ADAMTS3: variants seen among roughly 807,000 people sequenced by gnomAD.
ADAMTS3 encodes ADAM metallopeptidase with thrombospondin type 1 motif 3.
In ADAMTS3, 73 loss-of-function variants were observed where a neutral mutation model predicts 129.0. The observed-to-expected ratio is 0.57, with a 90% CI of 0.47 to 0.69. ADAMTS3 has a LOEUF of 0.69. ADAMTS3 is among the 30% of genes least tolerant of loss of function. The pLI, the probability that ADAMTS3 is intolerant of heterozygous loss-of-function variation, is 0.00. For missense variants in ADAMTS3, 1,457 were observed against 1,514.5 expected, an observed-to-expected ratio of 0.96 and a Z score of 0.63; for synonymous variants, 477 against 510.8, an observed-to-expected ratio of 0.93 and a Z score of 0.89.
At chr4:72,402,302 G>A (rs995916862) in intron 4 of ADAMTS3, among the ~76,000 whole-genome samples, 23 of 152,078 alleles carry the variant, frequency 1.5e-4, no homozygotes, top group African/African-American at 5.3e-4. Flanking sequence ...ACTATAATGC[G>A]AATTGCACAA....
At chr4:72,353,751 A>G (rs777721925) in intron 4 of ADAMTS3, among the ~76,000 whole-genome samples, 8 of 151,994 alleles carry the variant, frequency 5.3e-5, no homozygotes, top group East Asian at 1.9e-4. Context: ...TGTGGTTTCA[A>G]TTTCCTAAAA....
intron 4 of ADAMTS3, among the ~76,000 whole-genome samples, chr4:72,411,568 C>A (rs1722185570): frequency 6.6e-6 from 1 of 151,996 alleles, no homozygotes; most frequent in African/African-American, 2.4e-5. Context: ...CTACCTCACT[C>A]TCAAGCTAAT....
intron 3 of ADAMTS3, among the ~76,000 whole-genome samples, chr4:72,479,009 G>A (rs963560991): frequency 5.3e-5 from 8 of 151,844 alleles, no homozygotes; most frequent in African/African-American, 1.5e-4. Context: ...CCTCCTCAAG[G>A]AGAACTACAA....
intron 4 of ADAMTS3, among the ~76,000 whole-genome samples, chr4:72,360,778 A>C (rs1720702308): frequency 6.6e-6 from 1 of 152,130 alleles, no homozygotes; most frequent in Admixed American, 6.6e-5. Context: ...AATATATCTT[A>C]AATATTTATA....
chr4:72,381,435 C>T (rs1437672027), intron 4 of ADAMTS3, among the ~76,000 whole-genome samples: 1 of 151,772 alleles, frequency 6.6e-6, no homozygotes, highest in Non-Finnish European at 1.5e-5. Context: ...GGCAGTCCAC[C>T]TCCATTATTC....
At chr4:72,337,580 T>C (rs1720023092) in intron 5 of ADAMTS3, among the ~76,000 whole-genome samples, 1 of 152,128 alleles carries the variant, frequency 6.6e-6, no homozygotes, top group Non-Finnish European at 1.5e-5. Context: ...GAAAACTAAG[T>C]CCTAGAAAGG....
intron 4 of ADAMTS3, among the ~76,000 whole-genome samples, chr4:72,361,874 ATT>A (rs1720737147): frequency 6.6e-6 from 1 of 152,098 alleles, no homozygotes; most frequent in African/African-American, 2.4e-5. Context: ...TATTAGCAAA[ATT>A]TTAAAATTTA....
At chr4:72,421,676 A>G (rs1362556112) in intron 3 of ADAMTS3, among the ~76,000 whole-genome samples, 1 of 152,204 alleles carries the variant, frequency 6.6e-6, no homozygotes, top group East Asian at 1.9e-4. Flanking sequence ...TGGGGGCTGA[A>G]GAGATATTAC....
chr4:72,496,336 T>C (rs1337440897), intron 3 of ADAMTS3, among the ~76,000 whole-genome samples: 1 of 152,208 alleles, frequency 6.6e-6, no homozygotes, highest in African/African-American at 2.4e-5. Flanking sequence ...AAGTCAAGTG[T>C]TCATTTTAGA....
At chr4:72,314,521 C>T (rs1719338381) in intron 11 of ADAMTS3, among the ~76,000 whole-genome samples, 1 of 152,110 alleles carries the variant, frequency 6.6e-6, no homozygotes, top group Non-Finnish European at 1.5e-5. Flanking sequence ...ATTTTCCTCT[C>T]TAACATTTTG....
intron 3 of ADAMTS3, among the ~76,000 whole-genome samples, chr4:72,499,904 G>T (rs1719967597): frequency 6.6e-6 from 1 of 152,048 alleles, no homozygotes; most frequent in Non-Finnish European, 1.5e-5. Flanking sequence ...GTGTTAATTT[G>T]TTTAGAACAA....
Position 72,548,466 on chromosome 4 carries a change from A to T in ADAMTS3, c.504+12T>A. The T allele has an allele frequency of 6.2e-7, 1 of 1,610,520 alleles. No individual in the cohort carries two copies. ...ACCTGCAAACATACGCACAAAACAG[A>T]AGGAGTCTTACCAGACCATCACAGT... On this transcript the variant is annotated intron_variant, in intron 3 of 21. Coordinates refer to ENST00000286657, the MANE Select transcript of ADAMTS3 (RefSeq NM_014243.3).
At chr4:72,545,209 T>C (rs1721434562) in intron 3 of ADAMTS3, among the ~76,000 whole-genome samples, 1 of 152,206 alleles carries the variant, frequency 6.6e-6, no homozygotes, top group South Asian at 2.1e-4. Context: ...TTGACATATG[T>C]ATGATTCTAG....
intron 3 of ADAMTS3, among the ~76,000 whole-genome samples, chr4:72,524,508 T>C (rs970627352): frequency 2.6e-5 from 4 of 152,118 alleles, no homozygotes; most frequent in African/African-American, 7.2e-5. Context: ...TAATCACTTA[T>C]TGCTCACAGT....
At chr4:72,304,354 CAA>C (rs1308885729) in intron 16 of ADAMTS3, among the ~76,000 whole-genome samples, 2 of 152,024 alleles carry the variant, frequency 1.3e-5, no homozygotes, top group Non-Finnish European at 2.9e-5. Context: ...AAAACATCGT[CAA>C]AGAGGTTAAT....
chr4:72,398,596 C>G (rs1222804611), intron 4 of ADAMTS3, among the ~76,000 whole-genome samples: 1 of 151,894 alleles, frequency 6.6e-6, no homozygotes, highest in Non-Finnish European at 1.5e-5. Context: ...TAAATACATA[C>G]ATACATAAAT....
chr4:72,531,269 GTTTT>G (rs1258872336), intron 3 of ADAMTS3, among the ~76,000 whole-genome samples: 2 of 152,114 alleles, frequency 1.3e-5, no homozygotes, highest in Non-Finnish European at 2.9e-5. Context: ...AAGAATCTAG[GTTTT>G]TGGCCTGAGA....
intron 4 of ADAMTS3, among the ~76,000 whole-genome samples, chr4:72,375,576 T>C (rs180958217): frequency 6.6e-6 from 1 of 152,152 alleles, no homozygotes. Context: ...TCAGGAAAGA[T>C]CTCTAAGGAA....
intron 3 of ADAMTS3, among the ~76,000 whole-genome samples, chr4:72,476,834 T>A (rs1042191265): frequency 5.3e-5 from 8 of 152,172 alleles, no homozygotes; most frequent in African/African-American, 1.9e-4. Flanking sequence ...TGGGGTTTAT[T>A]TCAGGGAAGC....
Sources: gnomAD v4.1 joint callset for allele counts (sites outside exome capture counted in the v4.1 genomes callset) on GRCh38, gnomAD v4.1.1 for gene constraint, MANE v1.5 for transcripts, NCBI Gene and HGNC (gene_info 2026-07-23, HGNC 2026-07-21) for gene names.